DMD: variants seen among roughly 807,000 people sequenced by gnomAD.
The protein encoded by DMD is mutant dystrophin.
DMD carries 63 observed loss-of-function variants against 330.1 expected under a neutral mutation model. That is an observed-to-expected ratio of 0.19 (90% CI 0.16 to 0.24). The LOEUF (loss-of-function observed/expected upper bound fraction) is 0.24. Ranked by LOEUF, DMD falls within the 10% of genes least tolerant of loss-of-function variation. The pLI is 1.00. For missense variants in DMD, 3,344 were observed against 2,684.1 expected (o/e 1.25, Z -5.43); for synonymous variants, 1,223 against 959.8 (o/e 1.27, Z -5.07).
upstream of DMD, among the ~76,000 whole-genome samples, chrX:33,212,492 C>A (rs762637769): frequency 9.2e-4 from 103 of 111,832 alleles, no homozygotes; most frequent in African/African-American, 3.2e-3. Context: ...GAAAGATATT[C>A]TTTTTATAGT....
intron 62 of DMD, among the ~76,000 whole-genome samples, chrX:31,274,978 T>C (rs1367711057): frequency 1.8e-5 from 2 of 110,653 alleles, no homozygotes; most frequent in East Asian, 2.8e-4. Context: ...TGAGAGAAGA[T>C]AGACCCATAT....
chrX:32,480,581 T>TA (rs1293545423), intron 21 of DMD, among the ~76,000 whole-genome samples: 2,997 of 110,748 alleles, frequency 0.027, 110 homozygotes, highest in African/African-American at 0.094. Context: ...TACGTGAGTA[T>TA]TTACACAGTA....
At chrX:31,157,035 G>A (rs1282534356) in intron 74 of DMD, among the ~76,000 whole-genome samples, 1 of 111,952 alleles carries the variant, frequency 8.9e-6, no homozygotes, top group African/African-American at 3.2e-5. Context: ...AGATCACTAG[G>A]ATGAGATTTC....
Position 31,934,870 on chromosome X carries a change from C to T in DMD, c.6615-2643G>A, listed in dbSNP as rs1379889327. Among the ~76,000 whole-genome samples, 6 of 112,347 alleles carry T rather than the reference C, an allele frequency of 5.3e-5. No individual in the cohort carries two copies. In the East Asian group the frequency reaches 1.7e-3, roughly 31 times the overall value. On this transcript the variant is annotated intron_variant, in intron 45 of 78. Coordinates refer to ENST00000357033, the MANE Select transcript of DMD (RefSeq NM_004006.3). ...ATTAACATTTCATGTTTGCTATTTT[C>T]TGAGTCCATTCTTTCTTCGTTTTAT...
intron 47 of DMD, among the ~76,000 whole-genome samples, chrX:31,883,694 G>A (rs779444044): frequency 8.1e-5 from 9 of 111,010 alleles, no homozygotes; most frequent in South Asian, 3.7e-4. Flanking sequence ...AATATGTTGC[G>A]TCCATTAAAG....
In DMD at chrX:32,820,374, G is replaced by A. The variant is rs933200543; in HGVS notation, c.357+2921C>T. Reference sequence around the variant, plus strand: ...AGAGAATGGCATGAACCCAGGAGGCGGAGCTTGCAGTGAGCAGAGATCGCG... The same window carrying A: ...AGAGAATGGCATGAACCCAGGAGGCAGAGCTTGCAGTGAGCAGAGATCGCG... On this transcript the variant is annotated intron_variant, in intron 5 of 78. Coordinates refer to ENST00000357033, the MANE Select transcript of DMD (RefSeq NM_004006.3). 1.6e-4 allele frequency among the ~76,000 whole-genome samples: 18 copies of A among 111,342 alleles called. No homozygotes were observed. In the East Asian group the frequency reaches 2.3e-3, roughly 14 times the overall value.
chrX:31,769,775 A>G (rs973926829), intron 51 of DMD, among the ~76,000 whole-genome samples: 1 of 112,061 alleles, frequency 8.9e-6, no homozygotes, highest in South Asian at 3.7e-4. Context: ...TCTATCCTCC[A>G]ACTTATTCTA....
intron 1 of DMD, among the ~76,000 whole-genome samples, chrX:33,315,675 T>C (rs774108174): frequency 5.9e-4 from 66 of 112,466 alleles, no homozygotes; most frequent in African/African-American, 2.1e-3. Context: ...TAAACTGTAA[T>C]CATGAGTGTA....
At position 32,697,956 on chromosome X, in the gene DMD, G is replaced by A; in HGVS notation, c.874C>T (p.Pro292Ser). The change falls in exon 9 of 79, where the codon CCT becomes TCT. Residue 292 changes from proline (P) to serine (S), a missense_variant. Coordinates refer to ENST00000357033, the MANE Select transcript of DMD (RefSeq NM_004006.3). ...GCATAGCTCTTGAATCGAGGCTTAG[G>A]GGAAGAAGTTCTCTCATATCCCTGT... ...LAQGYERTSSPKPRFKSYAYT... is the reference protein window; with the variant it reads ...LAQGYERTSSSKPRFKSYAYT... 1 of 1,204,538 alleles carries A rather than the reference G, an allele frequency of 8.3e-7. No homozygotes were observed. Among genetic ancestry groups the A allele is most frequent in the Non-Finnish European group, 1.1e-6 (1 of 891,847 alleles).
In DMD at chrX:32,859,177, G is replaced by A. The variant is rs138304837; in HGVS notation, c.94-9357C>T. Among the ~76,000 whole-genome samples, 270 of 110,980 alleles carry A rather than the reference G, an allele frequency of 2.4e-3. 2 individuals are homozygous for A. The highest frequency in any genetic ancestry group is 8.5e-3 in the African/African-American group (259 of 30,497). ...TTGACCAAATTCTAGGTGTAAAAAC[G>A]TTTAACTCGGCCAGGTGCAGTGGCT... is the stretch of plus-strand genomic sequence containing the variant. On this transcript the variant is annotated intron_variant, in intron 2 of 78. Coordinates refer to ENST00000357033, the MANE Select transcript of DMD (RefSeq NM_004006.3).
chrX:32,907,273 A>G (rs1254958457), intron 2 of DMD, among the ~76,000 whole-genome samples: 1 of 112,297 alleles, frequency 8.9e-6, no homozygotes, highest in Non-Finnish European at 1.9e-5. Flanking sequence ...TATTCACATA[A>G]CTGCTTTGCC....
At chrX:31,340,848 C>T (rs1333886956) in intron 61 of DMD, among the ~76,000 whole-genome samples, 1 of 112,086 alleles carries the variant, frequency 8.9e-6, no homozygotes, top group Non-Finnish European at 1.9e-5. Context: ...GTACCACATA[C>T]CACATTAGGT....
At chrX:32,284,607 T>C (rs2097432647) in intron 43 of DMD, among the ~76,000 whole-genome samples, 1 of 111,881 alleles carries the variant, frequency 8.9e-6, no homozygotes, top group African/African-American at 3.3e-5. Flanking sequence ...ATAATCCTCA[T>C]AACAACCCTG....
At chrX:33,120,394 C>T (rs778760599) in intron 1 of DMD, among the ~76,000 whole-genome samples, 1 of 111,474 alleles carries the variant, frequency 9.0e-6, no homozygotes, top group Admixed American at 9.6e-5. Context: ...CAAGTACTTC[C>T]ATCCCCTCGT....
chrX:32,360,393 TA>T (rs2097827365), intron 37 of DMD, among the ~76,000 whole-genome samples: 1 of 111,929 alleles, frequency 8.9e-6, no homozygotes, highest in Non-Finnish European at 1.9e-5. Context: ...TTCAGAGCCC[TA>T]AAATGGGGTC....
intron 1 of DMD, among the ~76,000 whole-genome samples, chrX:33,099,194 T>C (rs952881007): frequency 8.9e-6 from 1 of 111,877 alleles, no homozygotes; most frequent in Non-Finnish European, 1.9e-5. Flanking sequence ...GAAAGTTTCT[T>C]TGGAGAGAAA....
chrX:31,344,040 G>GA (rs950285564), intron 61 of DMD, among the ~76,000 whole-genome samples: 2 of 101,630 alleles, frequency 2.0e-5, no homozygotes, highest in African/African-American at 7.2e-5. Flanking sequence ...TGGAGTGCGG[G>GA]GGGGGGTGGA....
chrX:33,239,613 C>T (rs920138236), intron 1 of DMD, among the ~76,000 whole-genome samples: 2 of 111,812 alleles, frequency 1.8e-5, no homozygotes, highest in Non-Finnish European at 3.8e-5. Flanking sequence ...TTCTTGTTTT[C>T]AAGCTTATTT....
At chrX:31,875,999 G>A (rs1048819223) in intron 47 of DMD, among the ~76,000 whole-genome samples, 14 of 112,575 alleles carry the variant, frequency 1.2e-4, no homozygotes, top group Non-Finnish European at 1.3e-4. Flanking sequence ...TAAGTTATGC[G>A]TTTTTGTGAG....
Sources: allele counts gnomAD v4.1 joint callset (sites outside exome capture counted in the v4.1 genomes callset), GRCh38; gene constraint gnomAD v4.1.1; transcripts MANE v1.5; gene names NCBI Gene and HGNC (gene_info 2026-07-23, HGNC 2026-07-21).